Variants in LRRIQ1 observed in about 807,000 individuals in gnomAD.
LRRIQ1 encodes the protein leucine-rich repeat- and IQ domain-containing protein 1.
A neutral mutation model predicts 211.9 loss-of-function variants in LRRIQ1; 210 were observed. The ratio of observed to expected loss-of-function variants is 0.99; its 90% CI spans 0.89 to 1.11. The LOEUF is 1.11. Ranked by LOEUF, LRRIQ1 falls within the 50% of genes most tolerant of loss-of-function variation. The pLI is 0.00. For synonymous variants in LRRIQ1, 699 were observed against 650.1 expected (o/e 1.08, Z -1.14); for missense variants, 2,136 against 1,939.5 (o/e 1.10, Z -1.90).
chr12:85,043,593 C>T (rs1457318514), intron 3 of LRRIQ1, among the ~76,000 whole-genome samples: 1 of 152,082 alleles, frequency 6.6e-6, no homozygotes, highest in African/African-American at 2.4e-5. Context: ...TGAGAGGGAA[C>T]TACACGGGAT....
chr12:85,062,295 C>T (rs1305666987), intron 8 of LRRIQ1, among the ~76,000 whole-genome samples: 1 of 151,818 alleles, frequency 6.6e-6, no homozygotes, highest in Non-Finnish European at 1.5e-5. Flanking sequence ...TTGAACCTGT[C>T]ACCCAGGTAG....
At position 85,209,233 on chromosome 12, in the gene LRRIQ1, G is replaced by T. The variant is rs1893716867; in HGVS notation, c.4823-20284G>T. Among the ~76,000 whole-genome samples the T allele has an allele frequency of 2.0e-5, 3 of 152,204 alleles. No individual in the cohort carries two copies. In the South Asian group the frequency reaches 6.2e-4, roughly 31 times the overall value. On this transcript the variant is annotated intron_variant, in intron 24 of 26. Coordinates refer to ENST00000393217, the MANE Select transcript of LRRIQ1 (RefSeq NM_001079910.2). ...AGGAAAGAGGTTTAATTCACTGACA[G>T]TTCTACAGGGCTGGGGAGGCCTCAG...
intron 21 of LRRIQ1, 45 bp from the exon 22 acceptor site, chr12:85,153,618 A>G: frequency 1.6e-6 from 2 of 1,216,200 alleles, no homozygotes; most frequent in South Asian, 1.4e-5. Flanking sequence ...AAGTGCTGAT[A>G]TACTTGTGTT....
chr12:85,117,496 T>G (rs569322632), intron 15 of LRRIQ1, among the ~76,000 whole-genome samples: 10 of 152,334 alleles, frequency 6.6e-5, no homozygotes, highest in African/African-American at 2.4e-4. Context: ...TTGTAAGATA[T>G]ATCTATTTCA....
At chr12:85,140,770 G>A (rs1592869746) in intron 19 of LRRIQ1, among the ~76,000 whole-genome samples, 1 of 151,164 alleles carries the variant, frequency 6.6e-6, no homozygotes, top group East Asian at 2.0e-4. Context: ...AACTTCCTTA[G>A]AATCTTAGAG....
At chr12:85,217,749 G>A (rs1441801535) in intron 24 of LRRIQ1, among the ~76,000 whole-genome samples, 5 of 107,620 alleles carry the variant, frequency 4.6e-5, no homozygotes, top group Non-Finnish European at 8.1e-5. Context: ...TGTAATGTGT[G>A]TGTATATATA....
intron 11 of LRRIQ1, among the ~76,000 whole-genome samples, chr12:85,081,365 A>C (rs1208076204): frequency 6.6e-6 from 1 of 151,948 alleles, no homozygotes; most frequent in Non-Finnish European, 1.5e-5. Context: ...TTCATTACCT[A>C]GTCCATTATT....
intron 2 of LRRIQ1, among the ~76,000 whole-genome samples, chr12:85,039,160 A>G (rs1364738493): frequency 2.6e-5 from 4 of 151,366 alleles, no homozygotes; most frequent in East Asian, 1.9e-4. Context: ...TTATTTGAGT[A>G]TGAAATCCAA....
chr12:85,211,740 C>G (rs1005146975), intron 24 of LRRIQ1, among the ~76,000 whole-genome samples: 2 of 152,136 alleles, frequency 1.3e-5, no homozygotes, highest in African/African-American at 4.8e-5. Context: ...TAGTCACTTT[C>G]TGCCTCTTAG....
intron 24 of LRRIQ1, among the ~76,000 whole-genome samples, chr12:85,172,519 CATG>C (rs1243212497): frequency 6.6e-6 from 1 of 152,116 alleles, no homozygotes; most frequent in African/African-American, 2.4e-5. Flanking sequence ...CTTTACTTCT[CATG>C]ATATTTTGAA....
At chr12:85,242,964 G>T (rs1593017904) in intron 26 of LRRIQ1, among the ~76,000 whole-genome samples, 1 of 151,660 alleles carries the variant, frequency 6.6e-6, no homozygotes, top group Non-Finnish European at 1.5e-5. Context: ...TTTCTTGACT[G>T]TAGGTTTTGT....
intron 19 of LRRIQ1, among the ~76,000 whole-genome samples, chr12:85,138,542 A>G (rs1889299067): frequency 6.6e-6 from 1 of 151,492 alleles, no homozygotes; most frequent in Non-Finnish European, 1.5e-5. Flanking sequence ...GTTCTTCTCA[A>G]TGTATCACTG....
intron 1 of LRRIQ1, among the ~76,000 whole-genome samples, chr12:85,253,670 T>G (rs962785629): frequency 1.3e-5 from 2 of 152,076 alleles, no homozygotes; most frequent in Admixed American, 1.3e-4. Flanking sequence ...AGGCCAAAGA[T>G]GTAGACAGAT....
chr12:85,164,054 A>T (rs528530051), intron 24 of LRRIQ1, among the ~76,000 whole-genome samples: 62 of 152,260 alleles, frequency 4.1e-4, no homozygotes, highest in Non-Finnish European at 8.2e-4. Flanking sequence ...GTTTATTTAT[A>T]TTTATTTTGA....
At chr12:85,141,658 A>G (rs1889548582) in intron 19 of LRRIQ1, among the ~76,000 whole-genome samples, 1 of 140,842 alleles carries the variant, frequency 7.1e-6, no homozygotes, top group Admixed American at 7.2e-5. Context: ...GTGATTTTAT[A>G]TTTAAAATGT....
intron 24 of LRRIQ1, among the ~76,000 whole-genome samples, chr12:85,184,793 C>A (rs1892151974): frequency 6.6e-6 from 1 of 151,722 alleles, no homozygotes. Context: ...AGAAGTATTT[C>A]CTTAAAATAG....
At chr12:85,160,111 A>G (rs1044551981) in intron 23 of LRRIQ1, among the ~76,000 whole-genome samples, 5 of 152,044 alleles carry the variant, frequency 3.3e-5, no homozygotes, top group Non-Finnish European at 5.9e-5. Context: ...TATTTACAAC[A>G]TTAAAAATCT....
At chr12:85,165,994 T>C (rs1891139502) in intron 24 of LRRIQ1, among the ~76,000 whole-genome samples, 1 of 152,202 alleles carries the variant, frequency 6.6e-6, no homozygotes, top group African/African-American at 2.4e-5. Flanking sequence ...AGTTCTATTT[T>C]CAGTTCTTTG....
At position 85,118,502 on chromosome 12, in the gene LRRIQ1, T is replaced by G. The variant is rs1383212697; in HGVS notation, c.3378-3195T>G. Among the ~76,000 whole-genome samples the G allele has an allele frequency of 2.7e-5, 4 of 150,706 alleles. No homozygotes were observed. In the South Asian group the frequency reaches 6.3e-4, roughly 24 times the overall value. ...CTCTCAGTACATGAAAAACTATGTT[T>G]TTTTTTTTTTTTTGCTTTTATAGAG... On this transcript the variant is annotated intron_variant, in intron 15 of 26. Transcript: ENST00000393217.
Sources: allele counts gnomAD v4.1 joint callset (sites outside exome capture counted in the v4.1 genomes callset), GRCh38; gene constraint gnomAD v4.1.1; transcripts MANE v1.5; gene names NCBI Gene and HGNC (gene_info 2026-07-23, HGNC 2026-07-21).